STK3: variants seen among roughly 807,000 people sequenced by gnomAD.
The protein encoded by STK3 is serine/threonine kinase 3, also known as serine/threonine-protein kinase 3.
A neutral mutation model predicts 58.0 loss-of-function variants in STK3; 41 were observed. The observed-to-expected ratio is 0.71, with a 90% confidence interval of 0.55 to 0.92. The LOEUF (loss-of-function observed/expected upper bound fraction) is 0.92, where lower values mean the gene tolerates loss of function less well. STK3 is among the 40% of genes least tolerant of loss of function. The pLI, the probability that STK3 is intolerant of heterozygous loss-of-function variation, is 0.00. For synonymous variants in STK3, 170 were observed against 191.0 expected (o/e 0.89, Z 0.91); for missense variants, 479 against 602.7 (o/e 0.79, Z 2.15).
chr8:98,477,815 A>G lies in STK3; in HGVS notation c.1318-21815T>C, dbSNP rs73699906. Among the ~76,000 whole-genome samples, 1,165 of 145,832 alleles carry G rather than the reference A, an allele frequency of 8.0e-3. 15 individuals are homozygous for G. Among genetic ancestry groups the G allele is most frequent in the African/African-American group, 0.027 (1,085 of 39,676 alleles). On this transcript the variant is annotated intron_variant, in intron 10 of 10. Transcript: ENST00000419617. ...TGTTTCAGGGCATCTCAGTCTTGGC[A>G]CTAATGAACGTTTGGTGGGGTCAGG...
At chr8:98,704,566 T>TA (rs202034840) in intron 6 of STK3, among the ~76,000 whole-genome samples, 4,683 of 140,542 alleles carry the variant, frequency 0.033, 158 homozygotes, top group East Asian at 0.088. Flanking sequence ...GATTTAGATT[T>TA]AAAAAAAAAA....
At chr8:98,474,111 T>C (rs1821127002) in intron 10 of STK3, among the ~76,000 whole-genome samples, 1 of 152,186 alleles carries the variant, frequency 6.6e-6, no homozygotes, top group African/African-American at 2.4e-5. Flanking sequence ...TATTCAAATG[T>C]TGCCATGCCT....
intron 3 of STK3, among the ~76,000 whole-genome samples, chr8:98,416,419 C>T (rs889818111): frequency 7.0e-6 from 1 of 142,664 alleles, no homozygotes; most frequent in African/African-American, 2.6e-5. Flanking sequence ...TTTCTAGCCC[C>T]AGCTAATTAG....
At chr8:98,458,628 T>A (rs1051291063) in intron 10 of STK3, among the ~76,000 whole-genome samples, 2 of 152,162 alleles carry the variant, frequency 1.3e-5, no homozygotes, top group African/African-American at 4.8e-5. Context: ...ATAATCCCCA[T>A]GTGTCTAGGG....
In STK3 at chr8:98,652,977, C is replaced by T. The variant is rs150797627; in HGVS notation, c.684+53490G>A. Among the ~76,000 whole-genome samples, 121 of 152,246 alleles carry T rather than the reference C, an allele frequency of 7.9e-4. 2 individuals carry two copies. The East Asian group carries it at 0.017, about 21-fold the overall frequency. On this transcript the variant is annotated intron_variant, in intron 6 of 10. Coordinates refer to ENST00000419617, the MANE Select transcript of STK3 (RefSeq NM_006281.4). ...GAACTGAACTCAGCTCTGCACCAAGCGGAACTAATAGACATCTACAGAACT... is the reference window on the plus strand; with the variant it reads ...GAACTGAACTCAGCTCTGCACCAAGTGGAACTAATAGACATCTACAGAACT...
intron 7 of STK3, among the ~76,000 whole-genome samples, chr8:98,584,114 ATACTTT>A (rs1243250037): frequency 6.7e-6 from 1 of 150,156 alleles, no homozygotes; most frequent in African/African-American, 2.5e-5. Context: ...TTTTATTATT[ATACTTT>A]AAGTTTTAGG....
chr8:98,429,199 C>T, intron 3 of STK3: 1 of 1,614,032 alleles, frequency 6.2e-7, no homozygotes. Flanking sequence ...CTGCCCATCA[C>T]CTTGATCTTC....
intron 4 of STK3, among the ~76,000 whole-genome samples, chr8:98,741,187 C>A (rs200311614): frequency 2.2e-4 from 33 of 152,176 alleles, no homozygotes; most frequent in Non-Finnish European, 2.9e-4. Context: ...ACAGATCAAC[C>A]AGACAGAAAG....
chr8:98,636,739 AATTAT>A, intron 6 of STK3, among the ~76,000 whole-genome samples: 1 of 152,300 alleles, frequency 6.6e-6, no homozygotes, highest in Non-Finnish European at 1.5e-5. Context: ...CAAATTAATT[AATTAT>A]AAGACCAAAG....
At chr8:98,349,087 G>T in the STK3 span, among the ~76,000 whole-genome samples, 2 of 152,302 alleles carry the variant, frequency 1.3e-5, no homozygotes, top group African/African-American at 2.4e-5. Flanking sequence ...AGAGAAATGA[G>T]CTATTAAGTC....
At chr8:98,464,775 T>C (rs1820337213) in intron 10 of STK3, among the ~76,000 whole-genome samples, 1 of 152,048 alleles carries the variant, frequency 6.6e-6, no homozygotes, top group Non-Finnish European at 1.5e-5. Context: ...TTGATAACAC[T>C]ATAGAAGAAA....
intron 8 of STK3, among the ~76,000 whole-genome samples, chr8:98,561,879 G>T (rs1812063793): frequency 1.3e-5 from 2 of 152,136 alleles, no homozygotes; most frequent in Admixed American, 1.3e-4. Flanking sequence ...CTTTGCCAAA[G>T]ATATATAAAT....
intron 3 of STK3, among the ~76,000 whole-genome samples, chr8:98,418,985 T>C (rs1316389797): frequency 6.6e-6 from 1 of 152,252 alleles, no homozygotes; most frequent in Non-Finnish European, 1.5e-5. Flanking sequence ...TGTGCAGCAC[T>C]GTGCTGGGAC....
chr8:98,683,263 G>T (rs1053459258), intron 6 of STK3, among the ~76,000 whole-genome samples: 1 of 151,970 alleles, frequency 6.6e-6, no homozygotes, highest in East Asian at 1.9e-4. Context: ...CAAGCTGTGA[G>T]GGATGACAGC....
At chr8:98,835,592 C>T (rs772138973) in intron 3 of STK3, among the ~76,000 whole-genome samples, 1 of 152,198 alleles carries the variant, frequency 6.6e-6, no homozygotes, top group African/African-American at 2.4e-5. Context: ...ACTCCTCCCT[C>T]AGGCAATTTT....
At chr8:98,780,720 G>A (rs1313228640) in intron 1 of STK3, among the ~76,000 whole-genome samples, 1 of 151,908 alleles carries the variant, frequency 6.6e-6, no homozygotes, top group Non-Finnish European at 1.5e-5. Context: ...TCTAAAAGTA[G>A]ATTTCCGGTA....
At chr8:98,662,683 T>A (rs2130794921) in intron 6 of STK3, among the ~76,000 whole-genome samples, 1 of 152,290 alleles carries the variant, frequency 6.6e-6, no homozygotes, top group East Asian at 1.9e-4. Context: ...ATTTCTTTTT[T>A]TTTTTTTAAA....
rs146365625 is a variant in STK3 at position 98,530,593 on chromosome 8, C to A, written c.1142-3676G>T. 7.4e-4 allele frequency among the ~76,000 whole-genome samples: 112 copies of A among 152,304 alleles called. 1 individual carries two copies. The East Asian group carries it at 0.02, about 27-fold the overall frequency. On this transcript the variant is annotated intron_variant, in intron 9 of 10. Transcript: ENST00000419617. The stretch of plus-strand genomic sequence containing the variant: ...AGAGAGTGCAGAGGCACCTGTGCTG[C>A]TTAGAAGTCCAGTTTGGGGTGGCTG...
At chr8:98,609,689 T>C (rs1007602829) in intron 6 of STK3, among the ~76,000 whole-genome samples, 4 of 152,150 alleles carry the variant, frequency 2.6e-5, no homozygotes, top group Non-Finnish European at 5.9e-5. Context: ...TGGCCAGGCA[T>C]GGTGGTTCCG....
Sources: gnomAD v4.1 joint callset for allele counts (sites outside exome capture counted in the v4.1 genomes callset) on GRCh38, gnomAD v4.1.1 for gene constraint, MANE v1.5 for transcripts, NCBI Gene and HGNC (gene_info 2026-07-23, HGNC 2026-07-21) for gene names.